Variants in ILDR2 observed in about 807,000 individuals in gnomAD.
The protein encoded by ILDR2 is immunoglobulin like domain containing receptor 2.
ILDR2 carries 25 observed loss-of-function variants against 66.8 expected under a neutral mutation model. The observed-to-expected ratio is 0.37, with a 90% confidence interval of 0.27 to 0.52. The LOEUF is 0.52. Ranked by LOEUF, ILDR2 falls within the 20% of genes least tolerant of loss-of-function variation. The pLI is 0.88. For synonymous variants in ILDR2, 367 were observed against 357.2 expected, an observed-to-expected ratio of 1.03 and a Z score of -0.31; for missense variants, 827 against 876.8, an observed-to-expected ratio of 0.94 and a Z score of 0.72.
At chr1:166,947,986 T>C (rs375346551) in intron 3 of ILDR2, among the ~76,000 whole-genome samples, 2 of 152,186 alleles carry the variant, frequency 1.3e-5, no homozygotes, top group Non-Finnish European at 2.9e-5. Context: ...ACGTCATTTA[T>C]GGTTCAAAAA....
intron 2 of ILDR2, among the ~76,000 whole-genome samples, chr1:166,898,831 G>C (rs536747856): frequency 5.9e-5 from 9 of 151,766 alleles, no homozygotes; most frequent in Admixed American, 5.9e-4. Flanking sequence ...AGGCCAAAGT[G>C]GTAGATTGCT....
At chr1:166,947,159 A>T (rs779135113) in intron 3 of ILDR2, among the ~76,000 whole-genome samples, 2 of 152,366 alleles carry the variant, frequency 1.3e-5, no homozygotes, top group African/African-American at 4.8e-5. Context: ...GGTGAAATGC[A>T]GAAGACTGCT....
chr1:166,936,244 G>A lies in ILDR2; in HGVS notation c.703+347C>T, dbSNP rs1223595749. Among the ~76,000 whole-genome samples the A allele has an allele frequency of 6.7e-6, 1 of 150,292 alleles. No homozygotes were observed. The highest frequency in any genetic ancestry group is 2.5e-5 in the African/African-American group (1 of 39,686). ...TCTGCATGGGAAGGGAACGACCAGA[G>A]AAGGTTTCCTCTAGTTTGAATGCCC... On this transcript the variant is annotated intron_variant, in intron 5 of 9. Coordinates refer to ENST00000271417, the MANE Select transcript of ILDR2 (RefSeq NM_199351.3). The surrounding 1 kb of genome is among the most constrained non-coding windows in gnomAD (Gnocchi z 5.0).
chr1:166,965,562 T>C (rs1209396617), intron 1 of ILDR2, among the ~76,000 whole-genome samples: 1 of 143,172 alleles, frequency 7.0e-6, no homozygotes, highest in Non-Finnish European at 1.5e-5. Context: ...GCCTTCAAGT[T>C]AGGTTTTGTT....
At position 166,970,872 on chromosome 1, in the gene ILDR2, C is replaced by T. The variant is rs72689315; in HGVS notation, c.46+4351G>A. The stretch of plus-strand genomic sequence containing the variant: ...GAAAGAAGATGGACGAGGTACGTTC[C>T]ACAGAGAAAAGTAGAACAGAGGAGG... On this transcript the variant is annotated intron_variant, in intron 1 of 9. Coordinates refer to ENST00000271417, the MANE Select transcript of ILDR2 (RefSeq NM_199351.3). 9.4e-3 allele frequency among the ~76,000 whole-genome samples: 1,438 copies of T among 152,174 alleles called. 11 individuals are homozygous for T. Among genetic ancestry groups the T allele is most frequent in the Admixed American group, 0.014 (209 of 15,284 alleles).
At position 166,921,068 on chromosome 1, in the gene ILDR2, G is replaced by A. The variant is rs1659901337; in HGVS notation, c.1523C>T (p.Ala508Val). The stretch of plus-strand genomic sequence containing the variant: ...GCGGCTCACCAGCCGCGGCAGGTGC[G>A]CGTCCTCGGCGGGTCTGCGGCGCGC... ...SPARRRPAED[A>V]HLPRLVSRTP... is the part of the protein sequence containing the mutation. The change falls in exon 9 of 10, where the codon GCG becomes GTG. Residue 508 changes from alanine to valine, a missense_variant. Physicochemically the swap from Ala to Val is moderately conservative, Grantham distance 64. This residue lies in a region of ILDR2 where 390 missense variants were observed against 353.6 expected (regional missense o/e 1.10). Coordinates refer to ENST00000271417, the MANE Select transcript of ILDR2 (RefSeq NM_199351.3). This position sits in a 1 kb window ranked among gnomAD's most constrained non-coding sequence, Gnocchi z 5.3. 8 of 1,489,146 alleles carry A rather than the reference G, an allele frequency of 5.4e-6. No homozygotes were observed. The highest frequency in any genetic ancestry group is 7.1e-6 in the Non-Finnish European group (8 of 1,129,852). The allele number at this position is 1,489,146 out of a possible 1,614,324, so 92.2% of individuals were successfully genotyped here.
At chr1:166,937,647 G>A (rs527870383) in intron 4 of ILDR2, among the ~76,000 whole-genome samples, 3 of 152,310 alleles carry the variant, frequency 2.0e-5, no homozygotes, top group East Asian at 1.9e-4. Context: ...AACAAATTGC[G>A]AGTGGCTTAG....
At chr1:166,898,895 A>C (rs570221283) in intron 2 of ILDR2, among the ~76,000 whole-genome samples, 3 of 146,174 alleles carry the variant, frequency 2.1e-5, no homozygotes, top group African/African-American at 7.5e-5. Flanking sequence ...TCCCATCTTA[A>C]AAAAAAAAAA....
chr1:166,943,804 G>A (rs1295221000), intron 3 of ILDR2: 5 of 984,460 alleles, frequency 5.1e-6, no homozygotes, highest in African/African-American at 3.5e-5. Flanking sequence ...ATTCTTCCAG[G>A]ATTCAGTTTA....
chr1:166,922,861 G>C (rs2101859949), intron 7 of ILDR2, 52 bp from the exon 8 acceptor site: 2 of 1,480,192 alleles, frequency 1.4e-6, no homozygotes, highest in Admixed American at 3.3e-5. Context: ...CTCTGTTTTA[G>C]ACAGGAAGAG....
intron 3 of ILDR2, among the ~76,000 whole-genome samples, chr1:166,941,091 T>C (rs1056794027): frequency 1.9e-4 from 29 of 152,226 alleles, no homozygotes; most frequent in Non-Finnish European, 3.5e-4. Context: ...TGTGGTAGCA[T>C]GTGTCCTAGT....
chr1:166,948,853 G>A (rs1201497521), intron 3 of ILDR2, among the ~76,000 whole-genome samples: 3 of 152,180 alleles, frequency 2.0e-5, no homozygotes, highest in Admixed American at 6.5e-5. Flanking sequence ...GAGTGGTAAG[G>A]GGTGGGAGAA....
chr1:166,956,818 T>A lies in ILDR2; in HGVS notation c.414A>T (p.Gly138=). Residue 138 remains glycine (G), a synonymous_variant, in exon 3 of 10, where the codon GGA becomes GGT. Coordinates refer to ENST00000271417, the MANE Select transcript of ILDR2 (RefSeq NM_199351.3). ...TAATACAGTAATAGAGTCCGCTGTC[T>A]CCCCACATAAGCTTTCCAATTTGAA... is the stretch of plus-strand genomic sequence containing the variant. ...ADLQIGKLMW[G]DSGLYYCIIT... is the part of the protein sequence containing the mutation. The A allele has an allele frequency of 1.2e-6, 2 of 1,614,002 alleles. No individual in the cohort carries two copies. The highest frequency in any genetic ancestry group is 1.7e-6 in the Non-Finnish European group (2 of 1,179,942).
chr1:166,916,899 T>C lies in ILDR2; in HGVS notation c.*2456A>G, dbSNP rs1659664929. ...ATACGTCCGTAGCTTTAAAAAAACA[T>C]TATTTTTGGTCTCTGCAGCTGGTGC... On this transcript the variant is annotated 3_prime_UTR_variant, in exon 10 of 10. Coordinates refer to ENST00000271417, the MANE Select transcript of ILDR2 (RefSeq NM_199351.3). 6.6e-6 allele frequency: 1 copy of C among 152,222 alleles called. No individual in the cohort carries two copies. The highest frequency in any genetic ancestry group is 1.5e-5 in the Non-Finnish European group (1 of 68,046). 9.4% of individuals were successfully genotyped at this position (152,222 alleles called of 1,614,324 possible).
intron 6 of ILDR2, chr1:166,933,512 T>A: frequency 4.1e-6 from 4 of 974,674 alleles, no homozygotes; most frequent in Non-Finnish European, 4.9e-6. Flanking sequence ...ATTTCTATTT[T>A]AATGCCACTT....
Position 166,921,290 on chromosome 1 carries a change from G to A in ILDR2, c.1301C>T (p.Ala434Val). The A allele has an allele frequency of 6.3e-7, 1 of 1,598,134 alleles. No homozygotes were observed. Among genetic ancestry groups the A allele is most frequent in the Non-Finnish European group, 8.5e-7 (1 of 1,171,436 alleles). ...AVSMDELAAF[A>V]DSYGQRPRRA... ...GCGGGGCCGCTGGCCGTAGGAGTCA[G>A]CGAAGGCCGCCAGCTCGTCCATGGA... The change falls in exon 9 of 10, where the codon GCT becomes GTT. Residue 434 changes from alanine (A) to valine (V), a missense_variant. Coordinates refer to ENST00000271417, the MANE Select transcript of ILDR2 (RefSeq NM_199351.3). This position sits in a 1 kb window ranked among gnomAD's most constrained non-coding sequence, Gnocchi z 5.3.
In ILDR2 at chr1:166,921,249, T is replaced by C; in HGVS notation, c.1342A>G (p.Ser448Gly). The C allele has an allele frequency of 1.3e-6, 2 of 1,598,632 alleles. No individual in the cohort carries two copies. The highest frequency in any genetic ancestry group is 2.7e-5 in the African/African-American group (2 of 74,944). The change falls in exon 9 of 10, where the codon AGT becomes GGT. Residue 448 changes from serine (S) to glycine (G), a missense_variant. Around this residue, in one of 2 missense-constraint regions of ILDR2, gnomAD observed 390 missense variants for 353.6 expected, o/e 1.10. Transcript: ENST00000271417. This position sits in a 1 kb window ranked among gnomAD's most constrained non-coding sequence, Gnocchi z 5.3. ...CGGCTCCCGCCCCGCGCCTCGTGAC[T>C]GTTGCCGTCTGCCCGGCGGGGCCGC... Reference protein sequence around the residue: ...GQRPRRADGNSHEARGGSRFE... With the variant: ...GQRPRRADGNGHEARGGSRFE...
At chr1:166,920,590 C>G in intron 9 of ILDR2, 117 bp downstream of exon 9, 19 of 1,198,374 alleles carry the variant, frequency 1.6e-5, no homozygotes, top group Non-Finnish European at 2.0e-5. Flanking sequence ...TGCGGCCTCT[C>G]CGGCAAGGAC....
intron 3 of ILDR2, among the ~76,000 whole-genome samples, chr1:166,951,400 T>C (rs774077969): frequency 4.7e-4 from 72 of 152,188 alleles, no homozygotes; most frequent in Admixed American, 8.5e-4. Flanking sequence ...AAACCAGGAC[T>C]TAGCCATGCT....
Sources: allele counts gnomAD v4.1 joint callset (sites outside exome capture counted in the v4.1 genomes callset), GRCh38; gene constraint gnomAD v4.1.1; regional missense constraint gnomAD v4.1.1; non-coding constraint Gnocchi (gnomAD v3.1); transcripts MANE v1.5; gene names NCBI Gene and HGNC (gene_info 2026-07-23, HGNC 2026-07-21).